L3MBTL4: variants seen among roughly 807,000 people sequenced by gnomAD.
L3MBTL4 encodes the protein lethal(3)malignant brain tumor-like protein 4.
Under a neutral mutation model 84.5 loss-of-function variants are expected in L3MBTL4, and 70 were observed. That is an observed-to-expected ratio of 0.83 (90% CI 0.68 to 1.01). The LOEUF is 1.01. Ranked by LOEUF, L3MBTL4 falls within the 50% of genes least tolerant of loss-of-function variation. L3MBTL4 has a pLI of 0.00. For synonymous variants in L3MBTL4, 274 were observed against 259.8 expected (o/e 1.05, Z -0.52); for missense variants, 715 against 754.8 (o/e 0.95, Z 0.62).
intron 15 of L3MBTL4, 103 bp downstream of exon 15, chr18:6,093,252 T>A (rs1598725462): frequency 2.2e-6 from 2 of 921,918 alleles, no homozygotes; most frequent in East Asian, 2.9e-5. Flanking sequence ...ATAAAAATAA[T>A]TCTTTTGAAG....
In L3MBTL4 at chr18:6,002,878, T is replaced by C. The variant is rs574536580; in HGVS notation, c.1445-33316A>G. On this transcript the variant is annotated intron_variant, in intron 16 of 18. Transcript: ENST00000317931. Reference sequence around the variant, plus strand: ...CTTTAAATGTAAATGAACTAAACTCTCTAATCAAAAAACAAAGATTGGCAG... The same window carrying C: ...CTTTAAATGTAAATGAACTAAACTCCCTAATCAAAAAACAAAGATTGGCAG... Among the ~76,000 whole-genome samples, 3 of 151,596 alleles carry C rather than the reference T, an allele frequency of 2.0e-5. No individual in the cohort carries two copies. The South Asian group carries it at 6.2e-4, about 32-fold the overall frequency.
At chr18:6,347,654 G>C (rs1471229879) in intron 1 of L3MBTL4, among the ~76,000 whole-genome samples, 4 of 151,198 alleles carry the variant, frequency 2.6e-5, no homozygotes, top group African/African-American at 9.7e-5. Flanking sequence ...AACAGAAATA[G>C]ACAAGAACCA....
At chr18:6,381,798 C>T (rs1015940011) in intron 1 of L3MBTL4, among the ~76,000 whole-genome samples, 1 of 152,174 alleles carries the variant, frequency 6.6e-6, no homozygotes, top group Non-Finnish European at 1.5e-5. Flanking sequence ...GTGAATCTGA[C>T]AATTACGTGT....
chr18:6,134,423 TA>T (rs543102532), intron 14 of L3MBTL4, among the ~76,000 whole-genome samples: 120 of 152,290 alleles, frequency 7.9e-4, no homozygotes, highest in African/African-American at 2.7e-3. Flanking sequence ...ATTTCAGCAT[TA>T]ACCCAAAAGT....
At chr18:6,001,999 T>A (rs1473374962) in intron 16 of L3MBTL4, among the ~76,000 whole-genome samples, 1 of 152,216 alleles carries the variant, frequency 6.6e-6, no homozygotes, top group East Asian at 1.9e-4. Flanking sequence ...CATACTATAA[T>A]CGAACTTTCA....
intron 12 of L3MBTL4, among the ~76,000 whole-genome samples, chr18:6,193,496 T>C (rs541073281): frequency 1.3e-5 from 2 of 152,248 alleles, no homozygotes; most frequent in Admixed American, 1.3e-4. Context: ...AGCAATATCC[T>C]CAGTGAGAAA....
At chr18:6,154,599 G>A (rs914118244) in intron 13 of L3MBTL4, among the ~76,000 whole-genome samples, 1 of 152,150 alleles carries the variant, frequency 6.6e-6, no homozygotes. Flanking sequence ...TAAAAGTGCA[G>A]TGTGATTATC....
intron 1 of L3MBTL4, among the ~76,000 whole-genome samples, chr18:6,349,625 C>T (rs1259642117): frequency 1.3e-5 from 2 of 151,958 alleles, no homozygotes; most frequent in Non-Finnish European, 2.9e-5. Flanking sequence ...GAGGCTGAGG[C>T]AGGAGAATCA....
At chr18:6,007,342 A>C (rs918279425) in intron 16 of L3MBTL4, among the ~76,000 whole-genome samples, 12 of 152,048 alleles carry the variant, frequency 7.9e-5, no homozygotes, top group Admixed American at 7.2e-4. Context: ...AAATGCTCAT[A>C]ATACAAAAAC....
intron 16 of L3MBTL4, among the ~76,000 whole-genome samples, chr18:5,977,047 G>T (rs534493332): frequency 9.2e-4 from 140 of 152,182 alleles, no homozygotes; most frequent in Non-Finnish European, 1.2e-4. Flanking sequence ...GATCCTTGGG[G>T]CTCCGGCTGT....
At chr18:6,232,887 G>A (rs911418986) in intron 10 of L3MBTL4, among the ~76,000 whole-genome samples, 8 of 151,658 alleles carry the variant, frequency 5.3e-5, no homozygotes, top group African/African-American at 1.9e-4. Flanking sequence ...TTTTTGAAAG[G>A]ATTTCCTCCC....
chr18:5,981,980 G>C (rs1057160413), intron 16 of L3MBTL4, among the ~76,000 whole-genome samples: 2 of 132,644 alleles, frequency 1.5e-5, no homozygotes, highest in African/African-American at 6.9e-5. Context: ...TATTCTGTGT[G>C]TGTGTGTGTG....
chr18:5,977,144 G>A (rs1479683557), intron 16 of L3MBTL4, among the ~76,000 whole-genome samples: 1 of 152,150 alleles, frequency 6.6e-6, no homozygotes, highest in Non-Finnish European at 1.5e-5. Flanking sequence ...CTGCACTCAG[G>A]CCAGCCTCAG....
At chr18:6,174,864 CAAAAAAA>C (rs34787848) in intron 12 of L3MBTL4, among the ~76,000 whole-genome samples, 2 of 58,338 alleles carry the variant, frequency 3.4e-5, no homozygotes, top group African/African-American at 1.0e-4. Context: ...GAAACTCTGT[CAAAAAAA>C]AAAAAAAAAA....
At position 6,123,004 on chromosome 18, in the gene L3MBTL4, G is replaced by A. The variant is rs542814180; in HGVS notation, c.1199+15190C>T. 9.9e-5 allele frequency among the ~76,000 whole-genome samples: 15 copies of A among 152,244 alleles called. No individual in the cohort carries two copies. In the South Asian group the frequency reaches 2.9e-3, roughly 29 times the overall value. On this transcript the variant is annotated intron_variant, in intron 14 of 18. Coordinates refer to ENST00000317931, the MANE Select transcript of L3MBTL4 (RefSeq NM_001330559.2). ...ATTTGAGTAATTCCAGGAAATCACA[G>A]CATGTTAATTAAAAGATTATATTTT...
rs113314739 is a variant in L3MBTL4, at chr18:6,337,598, T to C, written c.-90-25542A>G. Among the ~76,000 whole-genome samples, 1,229 of 152,104 alleles carry C rather than the reference T, an allele frequency of 8.1e-3. 21 individuals carry two copies. The highest frequency in any genetic ancestry group is 0.028 in the African/African-American group (1,163 of 41,514). On this transcript the variant is annotated intron_variant, in intron 1 of 18. Transcript: ENST00000317931. ...CAAGACAGCTATTACCTTTAGAAAATAGTATCTGTAGAAAATAGTACCTAA... is the reference window on the plus strand; with the variant it reads ...CAAGACAGCTATTACCTTTAGAAAACAGTATCTGTAGAAAATAGTACCTAA...
In L3MBTL4 at chr18:6,310,943, C is replaced by G. The variant is rs445013; in HGVS notation, c.72+611G>C. ...GGGTCTCATTTAATCAGTTGAAGGC[C>G]TTAAGAGAAAAAACAGGTCCCCCAA... On this transcript the variant is annotated intron_variant, in intron 3 of 18. Coordinates refer to ENST00000317931, the MANE Select transcript of L3MBTL4 (RefSeq NM_001330559.2). 2.9e-3 allele frequency among the ~76,000 whole-genome samples: 444 copies of G among 152,134 alleles called. 4 individuals carry two copies. The highest frequency in any genetic ancestry group is 1.0e-2 in the African/African-American group (413 of 41,484).
chr18:6,173,321 G>A (rs914338883), intron 12 of L3MBTL4, among the ~76,000 whole-genome samples: 4 of 152,162 alleles, frequency 2.6e-5, no homozygotes, highest in Non-Finnish European at 4.4e-5. Context: ...CATCCCAGAT[G>A]AGCCCTTAAC....
At chr18:6,222,266 C>A (rs1204954898) in intron 10 of L3MBTL4, among the ~76,000 whole-genome samples, 1 of 152,178 alleles carries the variant, frequency 6.6e-6, no homozygotes, top group Non-Finnish European at 1.5e-5. Flanking sequence ...GTTTCTAAAG[C>A]ATAGGGAGAA....
Sources: gnomAD v4.1 joint callset for allele counts (sites outside exome capture counted in the v4.1 genomes callset) on GRCh38, gnomAD v4.1.1 for gene constraint, MANE v1.5 for transcripts, NCBI Gene and HGNC (gene_info 2026-07-23, HGNC 2026-07-21) for gene names.